The following IL5RA variants were observed in gnomAD, a reference collection of about 807,000 sequenced individuals.
The protein encoded by IL5RA is interleukin 5 receptor subunit alpha.
A neutral mutation model predicts 50.0 loss-of-function variants in IL5RA; 49 were observed. The observed-to-expected ratio is 0.98, with a 90% CI of 0.78 to 1.24. IL5RA has a LOEUF of 1.24. Among genes scored for constraint, IL5RA ranks in the 50% most tolerant of loss-of-function variants. The pLI, the probability that IL5RA is intolerant of heterozygous loss-of-function variation, is 0.00. For synonymous variants in IL5RA, 202 were observed against 174.0 expected (o/e 1.16, Z -1.26); for missense variants, 600 against 500.4 (o/e 1.20, Z -1.90).
At position 3,068,609 on chromosome 3, in the gene IL5RA, C is replaced by G. The variant is rs647154; in HGVS notation, c.*1616G>C. ...CCACAAAAAAAAAAAAAAAAAAAAA[C>G]AAAAACAGGTTTGAGATTATGAATC... On this transcript the variant is annotated 3_prime_UTR_variant, in exon 12 of 12. Coordinates refer to ENST00000446632, the MANE Select transcript of IL5RA (RefSeq NM_175726.4). 1 of 55,428 alleles carries G rather than the reference C, an allele frequency of 1.8e-5. No individual in the cohort carries two copies. The highest frequency in any genetic ancestry group is 5.2e-5 in the African/African-American group (1 of 19,318). 3.4% of individuals were successfully genotyped at this position (55,428 alleles called of 1,614,324 possible).
At chr3:3,084,850 G>A (rs1193597851) in intron 9 of IL5RA, among the ~76,000 whole-genome samples, 1 of 152,272 alleles carries the variant, frequency 6.6e-6, no homozygotes, top group Non-Finnish European at 1.5e-5. Flanking sequence ...AGATGATGTA[G>A]ATGAATATGT....
Position 3,104,893 on chromosome 3 carries a change from A to G in IL5RA, c.82+10T>C, listed in dbSNP as rs759041684. On this transcript the variant is annotated intron_variant, in intron 3 of 11. Coordinates refer to ENST00000446632, the MANE Select transcript of IL5RA (RefSeq NM_175726.4). ...AATAAACATTATTGAATTGAATAGAAGGTCCTTACTCTTTTCATCAGGAAG... is the reference window on the plus strand; with the variant it reads ...AATAAACATTATTGAATTGAATAGAGGGTCCTTACTCTTTTCATCAGGAAG... 13 of 1,535,294 alleles carry G rather than the reference A, an allele frequency of 8.5e-6. No individual in the cohort carries two copies. Among genetic ancestry groups the G allele is most frequent in the Non-Finnish European group, 1.1e-5 (12 of 1,109,922 alleles).
intron 9 of IL5RA, among the ~76,000 whole-genome samples, chr3:3,077,303 C>A (rs968724422): frequency 2.0e-5 from 3 of 152,060 alleles, no homozygotes; most frequent in African/African-American, 7.2e-5. Context: ...CTAGGAACTT[C>A]TTTTTTTTAT....
intron 9 of IL5RA, among the ~76,000 whole-genome samples, chr3:3,085,451 G>A (rs1256528226): frequency 6.6e-6 from 1 of 152,208 alleles, no homozygotes; most frequent in African/African-American, 2.4e-5. Flanking sequence ...GCTGCTGAAG[G>A]AGAGTGACGG....
At chr3:3,087,539 T>C (rs1422921784) in intron 9 of IL5RA, among the ~76,000 whole-genome samples, 1 of 152,200 alleles carries the variant, frequency 6.6e-6, no homozygotes, top group African/African-American at 2.4e-5. Context: ...ATGTCATCTA[T>C]TTGAGAAAAT....
chr3:3,077,245 TTC>T (rs1330365701), intron 9 of IL5RA, among the ~76,000 whole-genome samples: 2 of 152,272 alleles, frequency 1.3e-5, no homozygotes, highest in African/African-American at 4.8e-5. Context: ...ATGCCACTTA[TTC>T]TCTGTTTAAA....
Position 3,097,877 on chromosome 3 carries a change from G to T in IL5RA, c.702C>A (p.His234Gln), listed in dbSNP as rs752211264. Residue 234 changes from histidine (H) to glutamine (Q), a missense_variant, in exon 7 of 12, where the codon CAC (histidine) becomes CAA (glutamine). By Grantham distance (24) the His-to-Gln change is conservative. Coordinates refer to ENST00000446632, the MANE Select transcript of IL5RA (RefSeq NM_175726.4). ...IRPFDQLFALHAIDQINPPLN... is the reference protein window; with the variant it reads ...IRPFDQLFALQAIDQINPPLN... ...GGGTTAAGTCGGTCTTACCAATGGCGTGAAGGGCAAACAGCTGATCAAAGG... is the reference window on the plus strand; with the variant it reads ...GGGTTAAGTCGGTCTTACCAATGGCTTGAAGGGCAAACAGCTGATCAAAGG... 4.3e-6 allele frequency: 7 copies of T among 1,612,940 alleles called. No homozygotes were observed. The highest frequency in any genetic ancestry group is 4.2e-6 in the Non-Finnish European group (5 of 1,179,324).
At chr3:3,080,027 G>A (rs1332256242) in intron 9 of IL5RA, among the ~76,000 whole-genome samples, 1 of 151,472 alleles carries the variant, frequency 6.6e-6, no homozygotes, top group African/African-American at 2.4e-5. Flanking sequence ...GCAAGACACT[G>A]TCTCGAAAAA....
At chr3:3,087,759 A>G (rs1486363387) in intron 9 of IL5RA, among the ~76,000 whole-genome samples, 1 of 152,200 alleles carries the variant, frequency 6.6e-6, no homozygotes, top group Non-Finnish European at 1.5e-5. Context: ...GCATAGTTAA[A>G]GGAAATGAAT....
intron 4 of IL5RA, among the ~76,000 whole-genome samples, chr3:3,102,050 T>C (rs1405337687): frequency 1.3e-5 from 2 of 152,204 alleles, no homozygotes; most frequent in Non-Finnish European, 2.9e-5. Flanking sequence ...AAGCGAAATA[T>C]TACAGTTAAA....
chr3:3,072,641 TG>T (rs1354883338), intron 11 of IL5RA, among the ~76,000 whole-genome samples: 1 of 152,198 alleles, frequency 6.6e-6, no homozygotes, highest in Non-Finnish European at 1.5e-5. Flanking sequence ...AGATGTGGGC[TG>T]GGTGCAGTGG....
At chr3:3,095,234 T>C in intron 8 of IL5RA, 65 bp downstream of exon 8, 1 of 1,325,454 alleles carries the variant, frequency 7.5e-7, no homozygotes, top group Non-Finnish European at 1.1e-6. Context: ...TCACTGAAGA[T>C]AATTTTTTAA....
At chr3:3,078,923 C>G (rs575625086) in intron 9 of IL5RA, among the ~76,000 whole-genome samples, 1 of 152,074 alleles carries the variant, frequency 6.6e-6, no homozygotes, top group Non-Finnish European at 1.5e-5. Flanking sequence ...GTGACTTCCT[C>G]CTAGTCTAAT....
chr3:3,098,087 G>A (rs1230659568), intron 6 of IL5RA, 30 bp from the exon 7 acceptor site: 3 of 1,614,006 alleles, frequency 1.9e-6, no homozygotes, highest in East Asian at 2.2e-5. Flanking sequence ...AGTGTTATGA[G>A]GTTGCAGGAA....
intron 9 of IL5RA, among the ~76,000 whole-genome samples, chr3:3,089,547 A>ATACTC (rs1465349708): frequency 6.6e-6 from 1 of 152,138 alleles, no homozygotes; most frequent in Non-Finnish European, 1.5e-5. Flanking sequence ...TCTCCTATGT[A>ATACTC]TACTCTTCCA....
At chr3:3,100,121 T>C (rs900492124) in intron 5 of IL5RA, among the ~76,000 whole-genome samples, 1 of 152,186 alleles carries the variant, frequency 6.6e-6, no homozygotes, top group East Asian at 1.9e-4. Context: ...TTGTTGGTGG[T>C]TGCTCAGAGA....
intron 7 of IL5RA, 136 bp downstream of exon 7, chr3:3,097,734 A>C (rs2125979853): frequency 1.1e-6 from 1 of 900,912 alleles, no homozygotes; most frequent in Non-Finnish European, 1.7e-6. Context: ...ACCTTGCCCC[A>C]GTGGTTTTCA....
intron 9 of IL5RA, among the ~76,000 whole-genome samples, chr3:3,079,274 C>G (rs548376224): frequency 6.6e-6 from 1 of 152,164 alleles, no homozygotes; most frequent in Non-Finnish European, 1.5e-5. Context: ...GTAGGTAAAA[C>G]CTGCTCGGAT....
chr3:3,075,050 G>A (rs1236602211), intron 10 of IL5RA, among the ~76,000 whole-genome samples, 184 bp from the exon 11 acceptor site: 1 of 152,088 alleles, frequency 6.6e-6, no homozygotes, highest in Non-Finnish European at 1.5e-5. Context: ...CTCTGCTGTG[G>A]CCCTGAGTCA....
Sources: allele counts gnomAD v4.1 joint callset (sites outside exome capture counted in the v4.1 genomes callset), GRCh38; gene constraint gnomAD v4.1.1; transcripts MANE v1.5; gene names NCBI Gene and HGNC (gene_info 2026-07-23, HGNC 2026-07-21).